Variants in ZNF714 observed in about 807,000 individuals in gnomAD.
The protein encoded by ZNF714 is zinc finger protein 714.
In ZNF714, 32 loss-of-function variants were observed where a neutral mutation model predicts 46.2. The observed-to-expected ratio is 0.69, with a 90% CI of 0.52 to 0.93. The LOEUF is 0.93. Among genes scored for constraint, ZNF714 ranks in the 40% least tolerant of loss-of-function variants. The pLI is 0.00. For missense variants in ZNF714, 635 were observed against 646.3 expected (o/e 0.98, Z 0.19); for synonymous variants, 199 against 213.1 (o/e 0.93, Z 0.58).
At chr19:21,105,272 C>T (rs563264822) in intron 4 of ZNF714, among the ~76,000 whole-genome samples, 64 of 152,082 alleles carry the variant, frequency 4.2e-4, no homozygotes, top group Non-Finnish European at 7.2e-4. Context: ...TCACCCGCCT[C>T]GGCCTCTCAA....
At chr19:21,112,239 T>C (rs752975585) in intron 4 of ZNF714, among the ~76,000 whole-genome samples, 4 of 152,204 alleles carry the variant, frequency 2.6e-5, no homozygotes, top group Non-Finnish European at 4.4e-5. Context: ...TGGTAGGCTA[T>C]TGGCTATTTG....
Position 21,122,859 on chromosome 19 carries a change from T to C in ZNF714, c.*4527T>C, listed in dbSNP as rs1348642144. The C allele has an allele frequency of 6.6e-6, 1 of 152,036 alleles. No homozygotes were observed. The highest frequency in any genetic ancestry group is 1.5e-5 in the Non-Finnish European group (1 of 68,002). The allele number at this position is 152,036 out of a possible 1,614,324, so 9.4% of individuals were successfully genotyped here. Reference sequence around the variant, plus strand: ...CTTATCAATATAACATTCAGATTAGTTAATTAAGATAAAAGCCAGGTGTGG... The same window carrying C: ...CTTATCAATATAACATTCAGATTAGCTAATTAAGATAAAAGCCAGGTGTGG... On this transcript the variant is annotated 3_prime_UTR_variant, in exon 5 of 5. Coordinates refer to ENST00000456283, the MANE Select transcript of ZNF714 (RefSeq NM_182515.4).
rs190523882 is a variant in ZNF714, at chr19:21,097,643, A to T, written c.-84-542A>T. Among the ~76,000 whole-genome samples the T allele has an allele frequency of 5.4e-3, 822 of 152,218 alleles. 5 individuals carry two copies. Among genetic ancestry groups the T allele is most frequent in the Admixed American group, 0.012 (177 of 15,284 alleles). On this transcript the variant is annotated intron_variant, in intron 2 of 4. Transcript: ENST00000456283. The stretch of plus-strand genomic sequence containing the variant: ...GGCTCTTATCTTTGTTTACAGACCA[A>T]AAAAGTTGGGAAAAACACAATCTCT...
intron 2 of ZNF714, among the ~76,000 whole-genome samples, chr19:21,096,419 C>G (rs1487888389): frequency 6.6e-6 from 1 of 152,166 alleles, no homozygotes; most frequent in East Asian, 1.9e-4. Context: ...TTCTTTTCAG[C>G]TAAACATATC....
intron 4 of ZNF714, among the ~76,000 whole-genome samples, chr19:21,114,176 C>T (rs1469511417): frequency 5.9e-5 from 9 of 152,140 alleles, no homozygotes; most frequent in South Asian, 2.1e-4. Context: ...CGGTGGCTCA[C>T]GCCTGTAATC....
chr19:21,094,013 C>T (rs1003907697), intron 2 of ZNF714, among the ~76,000 whole-genome samples: 6 of 152,154 alleles, frequency 3.9e-5, no homozygotes, highest in African/African-American at 1.4e-4. Flanking sequence ...TTGTTTGAGA[C>T]GGAGTCTCAC....
chr19:21,116,280 C>G lies in ZNF714; in HGVS notation c.143-527C>G, dbSNP rs149499016. Among the ~76,000 whole-genome samples the G allele has an allele frequency of 4.2e-3, 638 of 152,170 alleles. 6 individuals carry two copies. The highest frequency in any genetic ancestry group is 0.014 in the African/African-American group (587 of 41,542). The stretch of plus-strand genomic sequence containing the variant: ...TTTGCTCTGTTTTCTGTCTGTTGTA[C>G]TGCAGTCTCTCTGCTGCTGTAACAA... On this transcript the variant is annotated intron_variant, in intron 4 of 4. Coordinates refer to ENST00000456283, the MANE Select transcript of ZNF714 (RefSeq NM_182515.4).
chr19:21,111,439 A>T (rs1969447427), intron 4 of ZNF714, among the ~76,000 whole-genome samples: 1 of 152,018 alleles, frequency 6.6e-6, no homozygotes, highest in South Asian at 2.1e-4. Flanking sequence ...ACTTTGCTGA[A>T]GTTGCTTATT....
In ZNF714 at chr19:21,118,451, C is replaced by CAA. The variant is rs71176814; in HGVS notation, c.*135_*136dup. 5.7e-4 allele frequency: 95 copies of CAA among 165,332 alleles called. No individual in the cohort carries two copies. Among genetic ancestry groups the CAA allele is most frequent in the South Asian group, 1.5e-3 (12 of 7,806 alleles). 10.2% of individuals were successfully genotyped at this position (165,332 alleles called of 1,614,324 possible). A position where few individuals can be genotyped will look rare whatever the true frequency, so the allele number is the denominator to read the frequency against. ...TGGGCCACAAGGCAAGACTCTGTCTCAAAAAAAAAAAAAAAAAGAAAAGAA... is the reference window on the plus strand; with the variant it reads ...TGGGCCACAAGGCAAGACTCTGTCTCAAAAAAAAAAAAAAAAAAAGAAAAGAA... On this transcript the variant is annotated 3_prime_UTR_variant, in exon 5 of 5. Transcript: ENST00000456283.
At chr19:21,088,442 A>T (rs10401931) in intron 2 of ZNF714, among the ~76,000 whole-genome samples, 2 of 151,928 alleles carry the variant, frequency 1.3e-5, no homozygotes, top group Admixed American at 6.5e-5. Context: ...GCTTCAAGAT[A>T]GGTAAATTGA....
intron 1 of ZNF714, 102 bp downstream of exon 1, chr19:21,082,450 A>G: frequency 1.7e-6 from 2 of 1,184,274 alleles, no homozygotes; most frequent in Non-Finnish European, 2.3e-6. Flanking sequence ...AGTCAACTCT[A>G]CAATCTGCGC....
chr19:21,113,230 T>A (rs974107381), intron 4 of ZNF714: 1 of 152,176 alleles, frequency 6.6e-6, no homozygotes, highest in South Asian at 2.1e-4. Flanking sequence ...AGGGTGTGGC[T>A]GTGGATGCCA....
Position 21,117,471 on chromosome 19 carries a change from T to G in ZNF714, c.807T>G (p.Pro269=). Residue 269 remains proline, a synonymous_variant, in exon 5 of 5, where the codon CCT becomes CCG. Coordinates refer to ENST00000456283, the MANE Select transcript of ZNF714 (RefSeq NM_182515.4). ...AATGTGGTAAAGCTTTTAACCACCCTTCAGCCCTTACTACACATAAGTTCA... is the reference window on the plus strand; with the variant it reads ...AATGTGGTAAAGCTTTTAACCACCCGTCAGCCCTTACTACACATAAGTTCA... ...CEECGKAFNH[P]SALTTHKFIH... 2 of 1,610,400 alleles carry G rather than the reference T, an allele frequency of 1.2e-6. No individual in the cohort carries two copies. The highest frequency in any genetic ancestry group is 1.7e-6 in the Non-Finnish European group (2 of 1,178,152).
intron 4 of ZNF714, among the ~76,000 whole-genome samples, chr19:21,108,249 A>C (rs1214712850): frequency 6.6e-6 from 1 of 152,208 alleles, no homozygotes; most frequent in Non-Finnish European, 1.5e-5. Flanking sequence ...GTATTTAATA[A>C]GACTTGTTAT....
At chr19:21,096,490 C>T (rs976649356) in intron 2 of ZNF714, among the ~76,000 whole-genome samples, 1 of 152,142 alleles carries the variant, frequency 6.6e-6, no homozygotes, top group South Asian at 2.1e-4. Context: ...TACTTGCAAA[C>T]CTTTACTTCT....
chr19:21,098,523 A>G (rs554355418), intron 3 of ZNF714, among the ~76,000 whole-genome samples: 1 of 152,164 alleles, frequency 6.6e-6, no homozygotes, highest in Non-Finnish European at 1.5e-5. Context: ...GCTGATCTGC[A>G]TCCTTCACTC....
intron 4 of ZNF714, among the ~76,000 whole-genome samples, chr19:21,111,792 G>C (rs1341048912): frequency 2.0e-5 from 3 of 152,210 alleles, no homozygotes; most frequent in Non-Finnish European, 4.4e-5. Flanking sequence ...TAACATGAAG[G>C]GATGTTGAAT....
In ZNF714 at chr19:21,117,755, C is replaced by T; in HGVS notation, c.1091C>T (p.Thr364Ile). 6.2e-7 allele frequency: 1 copy of T among 1,613,754 alleles called. No homozygotes were observed. The highest frequency in any genetic ancestry group is 1.3e-5 in the African/African-American group (1 of 75,002). Residue 364 changes from threonine to isoleucine, a missense_variant, in exon 5 of 5, where the codon ACT (threonine) becomes ATT (isoleucine). Transcript: ENST00000456283. ...SHLTTHKMIH[T>I]GEKPYKCEEC... ...CTTACTACACATAAGATGATTCATA[C>T]TGGAGAGAAACCCTACAAATGTGAA...
At position 21,117,326 on chromosome 19, in the gene ZNF714, T is replaced by C; in HGVS notation, c.662T>C (p.Met221Thr). 1 of 1,611,846 alleles carries C rather than the reference T, an allele frequency of 6.2e-7. No individual in the cohort carries two copies. The highest frequency in any genetic ancestry group is 1.7e-5 in the Admixed American group (1 of 59,898). Residue 221 changes from methionine (M) to threonine (T), a missense_variant, in exon 5 of 5, where the codon ATG becomes ACG. Met to Thr is a moderately conservative substitution (Grantham distance 81, BLOSUM62 -1). Transcript: ENST00000456283. ...TCCTCAACCCTTACTACACATAAGATGATTCATACTGGAGAGAAACCCTAC... is the reference window on the plus strand; with the variant it reads ...TCCTCAACCCTTACTACACATAAGACGATTCATACTGGAGAGAAACCCTAC... ...KHSSTLTTHK[M>T]IHTGEKPYRC...
Sources: allele counts gnomAD v4.1 joint callset (sites outside exome capture counted in the v4.1 genomes callset), GRCh38; gene constraint gnomAD v4.1.1; transcripts MANE v1.5; gene names NCBI Gene and HGNC (gene_info 2026-07-23, HGNC 2026-07-21).